ZZEF1: variants seen among roughly 807,000 people sequenced by gnomAD.
ZZEF1 encodes zinc finger ZZ-type and EF-hand domain-containing protein 1.
Under a neutral mutation model 342.8 loss-of-function variants are expected in ZZEF1, and 157 were observed. That is an observed-to-expected ratio of 0.46 (90% CI 0.40 to 0.52). The LOEUF (loss-of-function observed/expected upper bound fraction) is 0.52. Among genes scored for constraint, ZZEF1 ranks in the 20% least tolerant of loss-of-function variants. ZZEF1 has a pLI of 0.00. For synonymous variants in ZZEF1, 1,505 were observed against 1,429.1 expected, an observed-to-expected ratio of 1.05 and a Z score of -1.20; for missense variants, 3,480 against 3,725.6, an observed-to-expected ratio of 0.93 and a Z score of 1.72.
rs758721209 is a variant in ZZEF1 at position 4,090,809 on chromosome 17, G to A, written c.1935C>T (p.Asp645=). 2 of 1,613,872 alleles carry A rather than the reference G, an allele frequency of 1.2e-6. No individual in the cohort carries two copies. Among genetic ancestry groups the A allele is most frequent in the African/African-American group, 1.3e-5 (1 of 74,910 alleles). ...AGCCAATAGGATCATCCTCTCCAAG[G>A]TCATCAGATGAGCAACCAATCCTGT... is the stretch of plus-strand genomic sequence containing the variant. ...VKSRIGCSSD[D]LGEDDPIGWF... The change falls in exon 12 of 55, where the codon GAC becomes GAT. Residue 645 remains aspartate, a synonymous_variant. Coordinates refer to ENST00000381638, the MANE Select transcript of ZZEF1 (RefSeq NM_015113.4).
chr17:4,034,638 A>G lies in ZZEF1; in HGVS notation c.6307-346T>C, dbSNP rs931544847. Reference sequence around the variant, plus strand: ...CTCCCTGCAACCATGGCCAGGAGATAACAACTGTTAAGTGTGATGAATAGT... The same window carrying G: ...CTCCCTGCAACCATGGCCAGGAGATGACAACTGTTAAGTGTGATGAATAGT... On this transcript the variant is annotated intron_variant, in intron 39 of 54. Transcript: ENST00000381638. Among the ~76,000 whole-genome samples the G allele has an allele frequency of 3.3e-5, 5 of 152,324 alleles. No homozygotes were observed. The East Asian group carries it at 9.6e-4, about 29-fold the overall frequency.
At chr17:4,015,065 TG>T (rs1269811266) in intron 49 of ZZEF1, among the ~76,000 whole-genome samples, 1 of 152,094 alleles carries the variant, frequency 6.6e-6, no homozygotes, top group Non-Finnish European at 1.5e-5. Context: ...TGGAAAGCTT[TG>T]GTGAGGCTTG....
At position 4,090,817 on chromosome 17, in the gene ZZEF1, A is replaced by T. The variant is rs748288260; in HGVS notation, c.1927T>A (p.Ser643Thr). The T allele has an allele frequency of 2.6e-5, 42 of 1,613,780 alleles. No homozygotes were observed. In the Admixed American group the frequency reaches 3.8e-4, roughly 15 times the overall value. The change falls in exon 12 of 55, where the codon TCT becomes ACT. Residue 643 changes from serine to threonine, a missense_variant. Ser to Thr is a moderately conservative substitution (Grantham distance 58, BLOSUM62 1). Transcript: ENST00000381638. ...GGATCATCCTCTCCAAGGTCATCAG[A>T]TGAGCAACCAATCCTGTAAAGACAA... Reference protein sequence around the residue: ...QFVKSRIGCSSDDLGEDDPIG... With the variant: ...QFVKSRIGCSTDDLGEDDPIG...
chr17:4,036,793 ACACACACACACACACACACACACACTCT>A (rs1365981561), intron 39 of ZZEF1, among the ~76,000 whole-genome samples: 4 of 91,018 alleles, frequency 4.4e-5, no homozygotes, highest in Non-Finnish European at 7.7e-5. Flanking sequence ...ACACACACAC[ACACACACACACACACACACACACACTCT>A]CTCTCTCTCT....
intron 42 of ZZEF1, among the ~76,000 whole-genome samples, chr17:4,031,793 T>C (rs975218953): frequency 6.6e-6 from 1 of 152,180 alleles, no homozygotes; most frequent in East Asian, 1.9e-4. Context: ...TGACTCCATG[T>C]AGTCACCTGA....
chr17:4,122,024 T>A (rs1055103236), intron 2 of ZZEF1, among the ~76,000 whole-genome samples: 2 of 152,162 alleles, frequency 1.3e-5, no homozygotes, highest in African/African-American at 4.8e-5. Context: ...GCTGGAAATA[T>A]ACATTCTTCA....
rs60101709 is a variant in ZZEF1, at chr17:4,123,268, CATATATATATATATATATATATATATAT to C, written c.499+611_499+638del. On this transcript the variant is annotated intron_variant, in intron 2 of 54. Coordinates refer to ENST00000381638, the MANE Select transcript of ZZEF1 (RefSeq NM_015113.4). The stretch of plus-strand genomic sequence containing the variant: ...TTTATACATTAGAATTTATCATAAC[CATATATATATATATATATATATATATAT>C]ATATATATATATATCAGAAAAATAT... Among the ~76,000 whole-genome samples the C allele has an allele frequency of 8.9e-4, 76 of 85,330 alleles. 1 individual carries two copies. The highest frequency in any genetic ancestry group is 1.7e-3 in the African/African-American group (39 of 22,832). The allele number at this position is 85,330 out of a possible 152,430, so 56.0% of individuals were successfully genotyped here. A position where few individuals can be genotyped will look rare whatever the true frequency, so the allele number is the denominator to read the frequency against.
In ZZEF1 at chr17:4,016,123, G is replaced by C. The variant is rs1289218639; in HGVS notation, c.8145+200C>G. Reference sequence around the variant, plus strand: ...TAAAACAAGAAAAGTCCGGAGAAGAGAAGACTTGCTTGTACAGAATCCCTG... The same window carrying C: ...TAAAACAAGAAAAGTCCGGAGAAGACAAGACTTGCTTGTACAGAATCCCTG... On this transcript the variant is annotated intron_variant, in intron 49 of 54. Transcript: ENST00000381638. This position sits in a 1 kb window ranked among gnomAD's most constrained non-coding sequence, Gnocchi z 4.4. Among the ~76,000 whole-genome samples the C allele has an allele frequency of 1.3e-5, 2 of 152,218 alleles. No individual in the cohort carries two copies. Among genetic ancestry groups the C allele is most frequent in the Non-Finnish European group, 2.9e-5 (2 of 68,046 alleles).
rs980214628 is a variant in ZZEF1 at position 4,004,854 on chromosome 17, G to GT, written c.*2035dup. On this transcript the variant is annotated 3_prime_UTR_variant, in exon 55 of 55. Transcript: ENST00000381638. ...GGCCGAGCCGGGAGAGCAGCCGCGG[G>GT]TGCGAGCGGACTCAGGCTTGTTTCC... The GT allele has an allele frequency of 1.3e-5, 2 of 152,272 alleles. No homozygotes were observed. The highest frequency in any genetic ancestry group is 4.8e-5 in the African/African-American group (2 of 41,478). 9.4% of individuals were successfully genotyped at this position (152,272 alleles called of 1,614,324 possible). A position where few individuals can be genotyped will look rare whatever the true frequency, so the allele number is the denominator to read the frequency against.
intron 2 of ZZEF1, among the ~76,000 whole-genome samples, chr17:4,119,686 C>G (rs1597920517): frequency 6.6e-6 from 1 of 152,206 alleles, no homozygotes; most frequent in East Asian, 1.9e-4. Context: ...AGGTAAGACT[C>G]TCACCCAGGG....
chr17:4,109,983 T>C (rs2058270917), intron 5 of ZZEF1, 120 bp from the exon 6 acceptor site: 3 of 864,964 alleles, frequency 3.5e-6, no homozygotes, highest in East Asian at 2.6e-5. Context: ...AGGTACACTT[T>C]GATGACAGAA....
At chr17:4,132,486 C>CAG (rs1467655932) in intron 1 of ZZEF1, among the ~76,000 whole-genome samples, 2 of 152,172 alleles carry the variant, frequency 1.3e-5, no homozygotes, top group Non-Finnish European at 2.9e-5. Context: ...TTCACGAGGT[C>CAG]AGGGCATCAA....
At position 4,113,108 on chromosome 17, in the gene ZZEF1, T is replaced by A. The variant is rs370195070; in HGVS notation, c.867-300A>T. Among the ~76,000 whole-genome samples, 3 of 152,196 alleles carry A rather than the reference T, an allele frequency of 2.0e-5. No homozygotes were observed. The South Asian group carries it at 6.2e-4, about 32-fold the overall frequency. On this transcript the variant is annotated intron_variant, in intron 4 of 54. Coordinates refer to ENST00000381638, the MANE Select transcript of ZZEF1 (RefSeq NM_015113.4). Reference sequence around the variant, plus strand: ...CCCTTTACCTGGCAAAAAAGCTAATTTTAAACTGCATACAAAAAAACTGAG... The same window carrying A: ...CCCTTTACCTGGCAAAAAAGCTAATATTAAACTGCATACAAAAAAACTGAG...
intron 52 of ZZEF1, among the ~76,000 whole-genome samples, chr17:4,012,299 C>T (rs2144931726): frequency 6.6e-6 from 1 of 152,312 alleles, no homozygotes; most frequent in East Asian, 1.9e-4. Context: ...GCATGCCCAG[C>T]TCTCCCCTCT....
Position 4,116,987 on chromosome 17 carries a change from C to G in ZZEF1, c.679G>C (p.Val227Leu). 2 of 1,608,824 alleles carry G rather than the reference C, an allele frequency of 1.2e-6. No individual in the cohort carries two copies. The highest frequency in any genetic ancestry group is 2.2e-5 in the East Asian group (1 of 44,698). ...SVLKESLDQL[V>L]QKEKESPGDL... ...ACACACATACCCTTTTCCTTTTGTA[C>G]CAGCTGATCCAGAGACTCCTTCAGG... The change falls in exon 3 of 55, where the codon GTA becomes CTA. Residue 227 changes from valine (V) to leucine (L), a missense_variant. Coordinates refer to ENST00000381638, the MANE Select transcript of ZZEF1 (RefSeq NM_015113.4).
rs2058882134 is a variant in ZZEF1 at position 4,142,633 on chromosome 17, A to C, written c.263T>G (p.Leu88Arg). Residue 88 changes from leucine to arginine, a missense_variant, in exon 1 of 55, where the codon CTG becomes CGG. Around this residue, in one of 5 missense-constraint regions of ZZEF1, gnomAD observed 416 missense variants for 374.2 expected, o/e 1.11. Coordinates refer to ENST00000381638, the MANE Select transcript of ZZEF1 (RefSeq NM_015113.4). ...AGTGACAGACTCTTCGCCGCGGCCC[A>C]GCCGCTCTTCCAGCCAGCGAAACAA... is the stretch of plus-strand genomic sequence containing the variant. ...GALFRWLEERLGRGEESVTLE... is the reference protein window; with the variant it reads ...GALFRWLEERRGRGEESVTLE... 1.2e-6 allele frequency: 2 copies of C among 1,606,594 alleles called. No homozygotes were observed. The highest frequency in any genetic ancestry group is 1.3e-5 in the African/African-American group (1 of 74,868).
At position 4,117,058 on chromosome 17, in the gene ZZEF1, G is replaced by A. The variant is rs775168440; in HGVS notation, c.608C>T (p.Pro203Leu). ...CATGTTATTGCAGTGCTCCAGCATC[G>A]GGTAGGGCATCACCGCGCTGGAGAG... is the stretch of plus-strand genomic sequence containing the variant. ...NRLSSAVMPY[P>L]MLEHCNNMCT... The change falls in exon 3 of 55, where the codon CCG (proline) becomes CTG (leucine). Residue 203 changes from proline (P) to leucine (L), a missense_variant. Coordinates refer to ENST00000381638, the MANE Select transcript of ZZEF1 (RefSeq NM_015113.4). 1 of 1,614,112 alleles carries A rather than the reference G, an allele frequency of 6.2e-7. No homozygotes were observed. Among genetic ancestry groups the A allele is most frequent in the Non-Finnish European group, 8.5e-7 (1 of 1,179,996 alleles).
At chr17:4,023,975 T>C (rs969872024) in intron 43 of ZZEF1, among the ~76,000 whole-genome samples, 4 of 152,284 alleles carry the variant, frequency 2.6e-5, no homozygotes, top group South Asian at 2.1e-4. Flanking sequence ...TGCTGTGGTG[T>C]TGAGTGCCCT....
At chr17:4,086,751 T>C in intron 14 of ZZEF1, 96 bp from the exon 15 acceptor site, 2 of 1,247,968 alleles carry the variant, frequency 1.6e-6, no homozygotes, top group African/African-American at 1.5e-5. Context: ...CCTCTAGGCA[T>C]CAGGCTCGAT....
Sources: allele counts gnomAD v4.1 joint callset (sites outside exome capture counted in the v4.1 genomes callset), GRCh38; gene constraint gnomAD v4.1.1; regional missense constraint gnomAD v4.1.1; non-coding constraint Gnocchi (gnomAD v3.1); transcripts MANE v1.5; gene names NCBI Gene and HGNC (gene_info 2026-07-23, HGNC 2026-07-21).